The following DPP10 variants were observed in gnomAD, a reference collection of about 807,000 sequenced individuals.
DPP10 encodes dipeptidyl peptidase like 10, also known as inactive dipeptidyl peptidase 10.
In DPP10, 33 loss-of-function variants were observed where a neutral mutation model predicts 120.9. The observed-to-expected ratio is 0.27, with a 90% CI of 0.21 to 0.37. DPP10 has a LOEUF of 0.37. Ranked by LOEUF, DPP10 falls within the 10% of genes least tolerant of loss-of-function variation. The probability of loss-of-function intolerance (pLI) is 1.00; values close to 1 mark genes in which losing one functional copy is unlikely to be tolerated. For synonymous variants in DPP10, 337 were observed against 326.1 expected, an observed-to-expected ratio of 1.03 and a Z score of -0.36; for missense variants, 816 against 942.8, an observed-to-expected ratio of 0.87 and a Z score of 1.76.
chr2:115,047,985 T>A (rs1445275956), intron 1 of DPP10, among the ~76,000 whole-genome samples: 1 of 152,096 alleles, frequency 6.6e-6, no homozygotes, highest in Admixed American at 6.6e-5. Flanking sequence ...TCTGTGTTCA[T>A]AACTTAGTCT....
chr2:115,007,025 A>T (rs184248143), intron 1 of DPP10, among the ~76,000 whole-genome samples: 1 of 152,018 alleles, frequency 6.6e-6, no homozygotes, highest in Non-Finnish European at 1.5e-5. Flanking sequence ...TATCTCTCAG[A>T]CCACAGTGCA....
chr2:115,716,628 A>C (rs1165950880), intron 7 of DPP10, among the ~76,000 whole-genome samples: 2 of 152,174 alleles, frequency 1.3e-5, no homozygotes, highest in African/African-American at 4.8e-5. Context: ...TTTGGAACCA[A>C]GTTCGCTTTT....
intron 1 of DPP10, among the ~76,000 whole-genome samples, chr2:115,018,243 C>CTT (rs1171718826): frequency 2.0e-5 from 3 of 152,136 alleles, no homozygotes; most frequent in African/African-American, 7.2e-5. Flanking sequence ...AATAGTAATG[C>CTT]TTTTACACTG....
At chr2:115,013,501 T>C (rs550897564) in intron 1 of DPP10, among the ~76,000 whole-genome samples, 1 of 152,148 alleles carries the variant, frequency 6.6e-6, no homozygotes, top group East Asian at 1.9e-4. Context: ...AGAGCATCTT[T>C]GTGGCATTCT....
chr2:114,657,903 G>T (rs886268580), intron 1 of DPP10, among the ~76,000 whole-genome samples: 2 of 152,226 alleles, frequency 1.3e-5, no homozygotes, highest in Middle Eastern at 3.4e-3. Context: ...GGTGAATCAG[G>T]TTCAACTTCT....
At chr2:115,597,368 G>T (rs1235124277) in intron 5 of DPP10, among the ~76,000 whole-genome samples, 1 of 151,790 alleles carries the variant, frequency 6.6e-6, no homozygotes, top group African/African-American at 2.4e-5. Flanking sequence ...ATGACAAAGA[G>T]GAAAGAAGAA....
chr2:114,641,382 TTC>T (rs1156256045), intron 1 of DPP10, among the ~76,000 whole-genome samples: 1 of 151,852 alleles, frequency 6.6e-6, no homozygotes, highest in East Asian at 1.9e-4. Context: ...CAATGATGAG[TTC>T]TTTTTCTTGT....
At chr2:115,696,612 G>T (rs2091604201) in intron 7 of DPP10, among the ~76,000 whole-genome samples, 1 of 152,156 alleles carries the variant, frequency 6.6e-6, no homozygotes, top group Non-Finnish European at 1.5e-5. Context: ...TTACTAGTGG[G>T]AGTCCAGCAG....
At chr2:115,254,452 A>G (rs957789397) in intron 1 of DPP10, among the ~76,000 whole-genome samples, 1 of 152,122 alleles carries the variant, frequency 6.6e-6, no homozygotes, top group African/African-American at 2.4e-5. Flanking sequence ...TAGCCAAACC[A>G]TATTATTCCA....
At chr2:115,211,754 CTCTT>C (rs2105355611) in intron 1 of DPP10, among the ~76,000 whole-genome samples, 1 of 152,126 alleles carries the variant, frequency 6.6e-6, no homozygotes, top group Non-Finnish European at 1.5e-5. Flanking sequence ...TGTTTCAAAT[CTCTT>C]TAAGAAACAA....
At chr2:115,221,754 G>GTTTTTTTTTTTTTT (rs56077672) in intron 1 of DPP10, among the ~76,000 whole-genome samples, 11 of 120,142 alleles carry the variant, frequency 9.2e-5, no homozygotes, top group African/African-American at 3.0e-4. Flanking sequence ...GTTTGTTTCT[G>GTTTTTTTTTTTTTT]TTTTTTTTTT....
At chr2:115,781,245 C>A (rs147404284) in intron 16 of DPP10, among the ~76,000 whole-genome samples, 2 of 151,744 alleles carry the variant, frequency 1.3e-5, no homozygotes, top group Admixed American at 1.3e-4. Context: ...ACATGAGCAA[C>A]TTTAAAAGGT....
chr2:114,654,011 T>C (rs949762301), intron 1 of DPP10, among the ~76,000 whole-genome samples: 1 of 152,160 alleles, frequency 6.6e-6, no homozygotes, highest in Non-Finnish European at 1.5e-5. Flanking sequence ...ATGTTATCAG[T>C]GTTAACACAG....
In DPP10 at chr2:115,171,370, A is replaced by AAAG. The variant is rs1553506558; in HGVS notation, c.61-137867_61-137866insGAA. On this transcript the variant is annotated intron_variant, in intron 1 of 25. Transcript: ENST00000410059. ...AGCGAGACTCCATCAAAAAAAAAAA[A>AAAG]AAAAGAAAAGAAAAGAAAAGAAAAG... Among the ~76,000 whole-genome samples the AAAG allele has an allele frequency of 7.8e-4, 113 of 145,002 alleles. 1 individual carries two copies. The highest frequency in any genetic ancestry group is 2.7e-3 in the African/African-American group (99 of 36,644).
At chr2:115,274,254 A>G (rs1163717087) in intron 1 of DPP10, among the ~76,000 whole-genome samples, 1 of 152,198 alleles carries the variant, frequency 6.6e-6, no homozygotes, top group Non-Finnish European at 1.5e-5. Context: ...TATCCATTTT[A>G]TCATTAAAAG....
At chr2:115,238,496 T>C (rs2058108774) in intron 1 of DPP10, among the ~76,000 whole-genome samples, 1 of 152,172 alleles carries the variant, frequency 6.6e-6, no homozygotes, top group Admixed American at 6.5e-5. Flanking sequence ...TCAAATCTTA[T>C]TTTTTCAAAA....
intron 3 of DPP10, among the ~76,000 whole-genome samples, chr2:115,462,423 C>G (rs1558697469): frequency 6.6e-6 from 1 of 152,066 alleles, no homozygotes; most frequent in East Asian, 1.9e-4. Flanking sequence ...TATGTGAACT[C>G]CTAAAGTTTA....
intron 1 of DPP10, among the ~76,000 whole-genome samples, chr2:114,889,332 A>G (rs985381408): frequency 3.3e-5 from 5 of 152,212 alleles, no homozygotes; most frequent in African/African-American, 1.2e-4. Flanking sequence ...TTTGCTCAAT[A>G]TCTGAAAGGT....
intron 1 of DPP10, chr2:115,064,880 C>T: frequency 7.8e-7 from 1 of 1,279,478 alleles, no homozygotes; most frequent in Non-Finnish European, 1.0e-6. Flanking sequence ...TTATTTTATT[C>T]TCTTGTACTG....
Sources: allele counts gnomAD v4.1 joint callset (sites outside exome capture counted in the v4.1 genomes callset), GRCh38; gene constraint gnomAD v4.1.1; transcripts MANE v1.5; gene names NCBI Gene and HGNC (gene_info 2026-07-23, HGNC 2026-07-21).